SGO2: variants seen among roughly 807,000 people sequenced by gnomAD.
SGO2 encodes shugoshin 2.
A neutral mutation model predicts 99.5 loss-of-function variants in SGO2; 68 were observed. The ratio of observed to expected loss-of-function variants is 0.68; its 90% CI spans 0.56 to 0.84. The LOEUF (loss-of-function observed/expected upper bound fraction) is 0.84, where lower values mean the gene tolerates loss of function less well. Ranked by LOEUF, SGO2 falls within the 40% of genes least tolerant of loss-of-function variation. SGO2 has a pLI of 0.00. For missense variants in SGO2, 1,350 were observed against 1,436.7 expected, an observed-to-expected ratio of 0.94 and a Z score of 0.97; for synonymous variants, 457 against 487.1, an observed-to-expected ratio of 0.94 and a Z score of 0.81.
chr2:200,561,517 A>C (rs1243346449), intron 5 of SGO2, among the ~76,000 whole-genome samples: 3 of 152,202 alleles, frequency 2.0e-5, no homozygotes, highest in African/African-American at 4.8e-5. Context: ...TGCAATAAAC[A>C]TACGTGTGCA....
At chr2:200,528,906 G>A (rs758218814) in intron 1 of SGO2, among the ~76,000 whole-genome samples, 7 of 152,176 alleles carry the variant, frequency 4.6e-5, no homozygotes, top group East Asian at 1.9e-4. Context: ...AGTGAAGAGC[G>A]TATTTCAAAA....
chr2:200,561,612 T>A (rs1215202549), intron 5 of SGO2, among the ~76,000 whole-genome samples: 3 of 152,246 alleles, frequency 2.0e-5, no homozygotes, highest in African/African-American at 7.2e-5. Context: ...TTTCTAGTTC[T>A]AGATCCTTGA....
At chr2:200,558,240 C>T (rs1463484609) in intron 5 of SGO2, among the ~76,000 whole-genome samples, 2 of 152,030 alleles carry the variant, frequency 1.3e-5, no homozygotes, top group African/African-American at 4.8e-5. Flanking sequence ...TATTGTATTC[C>T]TGTTATTAAA....
chr2:200,529,173 T>TCCC (rs2031244734), intron 1 of SGO2, among the ~76,000 whole-genome samples: 1 of 152,174 alleles, frequency 6.6e-6, no homozygotes, highest in Non-Finnish European at 1.5e-5. Context: ...GTCATAGCAT[T>TCCC]CCAGCATCAA....
At chr2:200,556,866 G>GGA (rs142775441) in intron 5 of SGO2, among the ~76,000 whole-genome samples, 1 of 151,842 alleles carries the variant, frequency 6.6e-6, no homozygotes, top group Admixed American at 6.6e-5. Context: ...ACAGAGAGAG[G>GGA]GAGAGAGAGA....
intron 5 of SGO2, among the ~76,000 whole-genome samples, chr2:200,550,991 CAA>C (rs55848114): frequency 7.2e-6 from 1 of 138,936 alleles, no homozygotes; most frequent in Admixed American, 7.2e-5. Flanking sequence ...AACTAAGTAG[CAA>C]AAAAAAAAAA....
chr2:200,562,914 C>G (rs1201167137), intron 5 of SGO2, among the ~76,000 whole-genome samples: 2 of 152,106 alleles, frequency 1.3e-5, no homozygotes, highest in Non-Finnish European at 2.9e-5. Context: ...ATTTTGTATC[C>G]TGAGACTTTG....
At chr2:200,581,558 T>C (rs993368823) in intron 8 of SGO2, among the ~76,000 whole-genome samples, 5 of 152,186 alleles carry the variant, frequency 3.3e-5, no homozygotes, top group South Asian at 4.1e-4. Context: ...TGATAACTCC[T>C]ACCACTCCTA....
At chr2:200,547,857 C>T (rs1337040089) in intron 5 of SGO2, among the ~76,000 whole-genome samples, 2 of 151,802 alleles carry the variant, frequency 1.3e-5, no homozygotes, top group Non-Finnish European at 2.9e-5. Context: ...TAGCTGTACT[C>T]GTAGCAGATA....
rs201273500 is a variant in SGO2 at position 200,572,036 on chromosome 2, G to A, written c.1690G>A (p.Val564Ile). The change falls in exon 7 of 9, where the codon GTC becomes ATC. Residue 564 changes from valine (V) to isoleucine (I), a missense_variant. Val to Ile is a conservative substitution (Grantham distance 29). Transcript: ENST00000357799. The stretch of plus-strand genomic sequence containing the variant: ...AGTAACCATTTATGAAAACCTAGAC[G>A]TCACAAATGAATTTCACACAGCCAA... ...DKVTIYENLD[V>I]TNEFHTANLS... is the part of the protein sequence containing the mutation. 104 of 1,613,078 alleles carry A rather than the reference G, an allele frequency of 6.4e-5. No homozygotes were observed. The highest frequency in any genetic ancestry group is 5.2e-4 in the African/African-American group (39 of 74,852).
rs58961852 is a variant in SGO2 at position 200,532,272 on chromosome 2, G to GT, written c.-2-691dup. 660 of 187,580 alleles carry GT rather than the reference G, an allele frequency of 3.5e-3. 28 individuals are homozygous for GT. Among genetic ancestry groups the GT allele is most frequent in the South Asian group, 5.6e-3 (29 of 5,210 alleles). 11.6% of individuals were successfully genotyped at this position (187,580 alleles called of 1,614,324 possible). On this transcript the variant is annotated intron_variant, in intron 1 of 8. Transcript: ENST00000357799. ...GCAGGTGCAGGTGACAGAGTTTTTT[G>GT]TTTTTTTTTTTGTTTTTTTTTTTTT...
intron 5 of SGO2, among the ~76,000 whole-genome samples, chr2:200,562,969 G>C (rs944876179): frequency 6.6e-6 from 1 of 152,198 alleles, no homozygotes; most frequent in Admixed American, 6.5e-5. Flanking sequence ...CTGAGACGAT[G>C]AGGTTTTTTT....
intron 5 of SGO2, among the ~76,000 whole-genome samples, chr2:200,555,671 C>A (rs1439686539): frequency 1.3e-5 from 2 of 152,148 alleles, no homozygotes; most frequent in Non-Finnish European, 2.9e-5. Flanking sequence ...ATGCAAACAG[C>A]CGAGTATCCC....
At chr2:200,531,710 G>A (rs1374768907) in intron 1 of SGO2, 1 of 152,274 alleles carries the variant, frequency 6.6e-6, no homozygotes, top group Admixed American at 6.5e-5. Flanking sequence ...CAACTGAAAT[G>A]TATTTCCCCA....
At chr2:200,533,146 A>G in intron 2 of SGO2, 38 bp downstream of exon 2, 1 of 1,512,230 alleles carries the variant, frequency 6.6e-7, no homozygotes, top group Non-Finnish European at 8.8e-7. Flanking sequence ...TCACGTTTTA[A>G]CTTTTCCCCA....
At chr2:200,579,030 G>GCAC (rs2033754643) in intron 8 of SGO2, among the ~76,000 whole-genome samples, 2 of 152,270 alleles carry the variant, frequency 1.3e-5, no homozygotes, top group Non-Finnish European at 2.9e-5. Context: ...GATGTCAGTA[G>GCAC]CACCCTCACA....
At chr2:200,574,054 T>C (rs1328784569) in intron 7 of SGO2, 77 bp downstream of exon 7, 2 of 1,171,720 alleles carry the variant, frequency 1.7e-6, no homozygotes, top group Non-Finnish European at 2.3e-6. Context: ...ACTTAGCCAG[T>C]GAAGTATTTT....
chr2:200,560,864 G>T (rs1321129033), intron 5 of SGO2, among the ~76,000 whole-genome samples: 2 of 152,110 alleles, frequency 1.3e-5, no homozygotes, highest in Non-Finnish European at 2.9e-5. Context: ...CACAAGAGAA[G>T]TAATTTGGGC....
In SGO2 at chr2:200,542,608, T is replaced by C; in HGVS notation, c.417T>C (p.Ala139=). ...ATCAGAGTTCCTTTCTACTGTCAGC[T>C]AGCAAGAAGAAACGAATTAGTAAAC... The part of the protein sequence containing the change: ...EFHQSSFLLS[A]SKKKRISKQC... The change falls in exon 5 of 9, where the codon GCT becomes GCC. Residue 139 remains alanine (A), a synonymous_variant. Coordinates refer to ENST00000357799, the MANE Select transcript of SGO2 (RefSeq NM_152524.6). 1 of 1,613,132 alleles carries C rather than the reference T, an allele frequency of 6.2e-7. No individual in the cohort carries two copies.
Sources: allele counts gnomAD v4.1 joint callset (sites outside exome capture counted in the v4.1 genomes callset), GRCh38; gene constraint gnomAD v4.1.1; transcripts MANE v1.5; gene names NCBI Gene and HGNC (gene_info 2026-07-23, HGNC 2026-07-21).